The following FARP1 variants were observed in gnomAD, a reference collection of about 807,000 sequenced individuals.
The protein encoded by FARP1 is FERM, ARHGEF and pleckstrin domain-containing protein 1.
FARP1 carries 52 observed loss-of-function variants against 128.8 expected under a neutral mutation model. That is an observed-to-expected ratio of 0.40 (90% CI 0.32 to 0.51). FARP1 has a LOEUF of 0.51. FARP1 is among the 20% of genes least tolerant of loss of function. The pLI, the probability that FARP1 is intolerant of heterozygous loss-of-function variation, is 0.45. For missense variants in FARP1, 1,333 were observed against 1,367.9 expected, an observed-to-expected ratio of 0.97 and a Z score of 0.40; for synonymous variants, 580 against 551.8, an observed-to-expected ratio of 1.05 and a Z score of -0.72.
intron 8 of FARP1, among the ~76,000 whole-genome samples, chr13:98,386,648 A>G (rs1455582985): frequency 1.3e-5 from 2 of 152,216 alleles, no homozygotes; most frequent in Admixed American, 1.3e-4. Flanking sequence ...ACAAGTGGGT[A>G]ACCTGTGCTT....
intron 4 of FARP1, among the ~76,000 whole-genome samples, chr13:98,367,469 C>T (rs1363816205): frequency 6.6e-6 from 1 of 151,476 alleles, no homozygotes; most frequent in East Asian, 1.9e-4. Flanking sequence ...ATTTTATAAT[C>T]TGTCTGTCCT....
intron 13 of FARP1, chr13:98,406,179 A>T (rs1890964282): frequency 6.6e-6 from 1 of 152,216 alleles, no homozygotes; most frequent in Admixed American, 6.5e-5. Context: ...AATTTTAATT[A>T]CTCATCAAGC....
intron 2 of FARP1, among the ~76,000 whole-genome samples, chr13:98,219,049 A>C (rs1348188408): frequency 6.6e-6 from 1 of 152,304 alleles, no homozygotes; most frequent in Non-Finnish European, 1.5e-5. Flanking sequence ...ACCTTTTGAA[A>C]TGTAACAGTT....
At chr13:98,359,916 G>A (rs1888795247) in intron 3 of FARP1, among the ~76,000 whole-genome samples, 1 of 152,154 alleles carries the variant, frequency 6.6e-6, no homozygotes, top group South Asian at 2.1e-4. Flanking sequence ...TCGGATTGGA[G>A]GAAAGAAAAC....
At chr13:98,275,111 G>A (rs990029971) in intron 2 of FARP1, among the ~76,000 whole-genome samples, 3 of 152,196 alleles carry the variant, frequency 2.0e-5, no homozygotes, top group Non-Finnish European at 4.4e-5. Flanking sequence ...CATGATATCT[G>A]TGAGAGGTCT....
Position 98,421,855 on chromosome 13 carries a change from T to TA in FARP1, c.1827-2705dup, listed in dbSNP as rs550031768. ...GTGACAAAGCAAGACCCCATATCTT[T>TA]AAAAAAAAAAAATTTTTTTTAAGAA... On this transcript the variant is annotated intron_variant, in intron 16 of 26. Transcript: ENST00000319562. Among the ~76,000 whole-genome samples the TA allele has an allele frequency of 7.4e-3, 1,110 of 149,064 alleles. 19 individuals carry two copies. Among genetic ancestry groups the TA allele is most frequent in the African/African-American group, 0.025 (1,010 of 40,378 alleles).
At chr13:98,156,430 G>A (rs2139113814) in intron 1 of FARP1, among the ~76,000 whole-genome samples, 1 of 152,102 alleles carries the variant, frequency 6.6e-6, no homozygotes, top group East Asian at 1.9e-4. Flanking sequence ...ATTTTTATAG[G>A]TAAGATCTTG....
At chr13:98,352,839 C>G (rs1380167745) in intron 3 of FARP1, among the ~76,000 whole-genome samples, 1 of 152,032 alleles carries the variant, frequency 6.6e-6, no homozygotes, top group South Asian at 2.1e-4. Context: ...GGAAACCCTA[C>G]AAGTCAACAG....
chr13:98,232,700 T>C (rs923333744), intron 2 of FARP1, among the ~76,000 whole-genome samples: 6 of 152,232 alleles, frequency 3.9e-5, no homozygotes, highest in African/African-American at 1.4e-4. Flanking sequence ...CCAAAAAATT[T>C]GTGTGACTCA....
intron 1 of FARP1, among the ~76,000 whole-genome samples, chr13:98,170,116 AAG>A (rs1294227367): frequency 6.6e-6 from 1 of 152,112 alleles, no homozygotes; most frequent in Non-Finnish European, 1.5e-5. Flanking sequence ...TGTATTTTGG[AAG>A]AGATTCTTAT....
At chr13:98,248,688 G>A (rs929723925) in intron 2 of FARP1, among the ~76,000 whole-genome samples, 4 of 151,988 alleles carry the variant, frequency 2.6e-5, no homozygotes, top group African/African-American at 9.7e-5. Context: ...AAAAATGTGA[G>A]TTGCCCAATG....
At chr13:98,145,878 AAG>A (rs1875509345) in intron 1 of FARP1, among the ~76,000 whole-genome samples, 1 of 150,976 alleles carries the variant, frequency 6.6e-6, no homozygotes, top group Admixed American at 6.6e-5. Flanking sequence ...AAAAAAAAAA[AAG>A]AGAAAAAAGG....
At chr13:98,320,068 G>A (rs752509134) in intron 2 of FARP1, among the ~76,000 whole-genome samples, 31 of 152,164 alleles carry the variant, frequency 2.0e-4, no homozygotes, top group Admixed American at 1.0e-3. Flanking sequence ...TGTGTGGTCA[G>A]ACACCCTGTC....
At chr13:98,293,096 A>G (rs1319715465) in intron 2 of FARP1, among the ~76,000 whole-genome samples, 1 of 152,218 alleles carries the variant, frequency 6.6e-6, no homozygotes, top group African/African-American at 2.4e-5. Flanking sequence ...GACTTTGAAT[A>G]AAAGAGAATC....
chr13:98,310,080 GTTTT>G (rs35233382), intron 2 of FARP1, among the ~76,000 whole-genome samples: 1 of 146,364 alleles, frequency 6.8e-6, no homozygotes, highest in Non-Finnish European at 1.5e-5. Flanking sequence ...TAGATTACAT[GTTTT>G]TTTTTTTTCC....
intron 1 of FARP1, among the ~76,000 whole-genome samples, chr13:98,186,991 CAAAAAAAAA>C (rs33992037): frequency 1.9e-4 from 9 of 47,834 alleles, no homozygotes; most frequent in South Asian, 1.2e-3. Flanking sequence ...GATTCTGTCT[CAAAAAAAAA>C]AAAAAAAAAA....
chr13:98,410,184 G>A (rs1891137611), intron 14 of FARP1, among the ~76,000 whole-genome samples: 1 of 152,248 alleles, frequency 6.6e-6, no homozygotes, highest in Non-Finnish European at 1.5e-5. Context: ...ATTGTTTAAA[G>A]AGAAAGCAAG....
intron 2 of FARP1, among the ~76,000 whole-genome samples, chr13:98,319,480 C>T (rs1594397239): frequency 6.6e-6 from 1 of 152,030 alleles, no homozygotes; most frequent in Non-Finnish European, 1.5e-5. Context: ...ATTAGCCAGG[C>T]GTGGTAGCAG....
At chr13:98,208,330 A>ATT (rs1880426072) in intron 1 of FARP1, among the ~76,000 whole-genome samples, 1 of 143,810 alleles carries the variant, frequency 7.0e-6, no homozygotes, top group Non-Finnish European at 1.5e-5. Flanking sequence ...AAAAAAAAAA[A>ATT]AGCCGGGCAT....
Sources: allele counts gnomAD v4.1 joint callset (sites outside exome capture counted in the v4.1 genomes callset), GRCh38; gene constraint gnomAD v4.1.1; transcripts MANE v1.5; gene names NCBI Gene and HGNC (gene_info 2026-07-23, HGNC 2026-07-21).